NCOR2: variants seen among roughly 807,000 people sequenced by gnomAD.
The protein encoded by NCOR2 is CTG repeat protein 26.
A neutral mutation model predicts 262.9 loss-of-function variants in NCOR2; 81 were observed. The ratio of observed to expected loss-of-function variants is 0.31; its 90% CI spans 0.26 to 0.37. The LOEUF is 0.37. NCOR2 is among the 10% of genes least tolerant of loss of function. The pLI is 1.00. For missense variants in NCOR2, 3,385 were observed against 3,621.4 expected (o/e 0.93, Z 1.68); for synonymous variants, 1,659 against 1,559.3 (o/e 1.06, Z -1.51).
chr12:124,442,659 G>T (rs2044882726), intron 7 of NCOR2, among the ~76,000 whole-genome samples: 1 of 152,172 alleles, frequency 6.6e-6, no homozygotes, highest in African/African-American at 2.4e-5. Context: ...AATTGACTTT[G>T]GGGTTTGCAG....
In NCOR2 at chr12:124,397,731, G is replaced by A. The variant is rs574633309; in HGVS notation, c.1876+388C>T. Among the ~76,000 whole-genome samples the A allele has an allele frequency of 1.1e-4, 16 of 152,232 alleles. No individual in the cohort carries two copies. The South Asian group carries it at 2.5e-3, about 24-fold the overall frequency. On this transcript the variant is annotated intron_variant, in intron 16 of 46. Transcript: ENST00000405201. Reference sequence around the variant, plus strand: ...GTCTCCCTGACCCCAGGACTCTACCGAGATGGCCGCCGGCAAGCTCTGACT... The same window carrying A: ...GTCTCCCTGACCCCAGGACTCTACCAAGATGGCCGCCGGCAAGCTCTGACT...
At chr12:124,532,053 G>T (rs2050820922) in intron 1 of NCOR2, among the ~76,000 whole-genome samples, 1 of 152,140 alleles carries the variant, frequency 6.6e-6, no homozygotes, top group African/African-American at 2.4e-5. Flanking sequence ...GCACCCTGGG[G>T]ATGCCACATC....
chr12:124,332,529 T>C, intron 42 of NCOR2, 62 bp from the exon 45 acceptor site: 2 of 1,608,510 alleles, frequency 1.2e-6, no homozygotes, highest in East Asian at 2.2e-5. Context: ...CCTTTGATGA[T>C]GGGGAACTCA....
At chr12:124,480,397 C>T (rs2047386841) in intron 3 of NCOR2, among the ~76,000 whole-genome samples, 1 of 152,182 alleles carries the variant, frequency 6.6e-6, no homozygotes, top group Non-Finnish European at 1.5e-5. Flanking sequence ...GCTGAGTGAC[C>T]CTGGGGGACT....
In NCOR2 at chr12:124,432,295, G is replaced by A. The variant is rs984972513; in HGVS notation, c.883-1508C>T. On this transcript the variant is annotated intron_variant, in intron 8 of 46. Transcript: ENST00000405201. The surrounding 1 kb of genome is among the most constrained non-coding windows in gnomAD (Gnocchi z 5.1). The stretch of plus-strand genomic sequence containing the variant: ...AGTTGCATGGCTATCCAGCAGACGG[G>A]GGCCCCTGAAGAAAACCCACAGACT... Among the ~76,000 whole-genome samples the A allele has an allele frequency of 6.6e-6, 1 of 152,146 alleles. No homozygotes were observed. Among genetic ancestry groups the A allele is most frequent in the Admixed American group, 6.5e-5 (1 of 15,274 alleles).
upstream of NCOR2, among the ~76,000 whole-genome samples, chr12:124,499,012 A>G (rs1298765794): frequency 6.6e-6 from 1 of 152,258 alleles, no homozygotes; most frequent in Non-Finnish European, 1.5e-5. Flanking sequence ...GCTAATGGTT[A>G]CAGGGTTTTA....
At chr12:124,368,171 G>A (rs902780992) in intron 20 of NCOR2, among the ~76,000 whole-genome samples, 3 of 152,242 alleles carry the variant, frequency 2.0e-5, no homozygotes, top group Middle Eastern at 3.2e-3. Flanking sequence ...AGGGCTGTCC[G>A]TGGGTGGGCG....
intron 41 of NCOR2, among the ~76,000 whole-genome samples, chr12:124,333,509 G>C (rs986097573): frequency 6.6e-6 from 1 of 151,516 alleles, no homozygotes; most frequent in Admixed American, 6.6e-5. Context: ...TTCATGAATT[G>C]TACAAACAGA....
chr12:124,458,623 A>G (rs1474610384), intron 5 of NCOR2, among the ~76,000 whole-genome samples: 4 of 152,242 alleles, frequency 2.6e-5, no homozygotes, highest in Non-Finnish European at 5.9e-5. Context: ...TAACATGTCA[A>G]TTGCGCATAA....
rs1445645083 is a variant in NCOR2, at chr12:124,481,466, A to G, written c.411+2130T>C. The stretch of plus-strand genomic sequence containing the variant: ...CTCGAGAGTCCCCACAGGGCTAGCC[A>G]CAGGTCTCCCCTGCCATGCAGGCCC... On this transcript the variant is annotated intron_variant, in intron 3 of 46. Transcript: ENST00000405201. The surrounding 1 kb of genome is among the most constrained non-coding windows in gnomAD (Gnocchi z 4.6). Among the ~76,000 whole-genome samples, 2 of 152,158 alleles carry G rather than the reference A, an allele frequency of 1.3e-5. No homozygotes were observed. The highest frequency in any genetic ancestry group is 2.4e-5 in the African/African-American group (1 of 41,438).
intron 1 of NCOR2, chr12:124,556,277 T>A (rs2051880772): frequency 6.6e-6 from 1 of 152,268 alleles, no homozygotes; most frequent in South Asian, 2.1e-4. Flanking sequence ...CAGGTGTCAG[T>A]CACAGGGATG....
intron 22 of NCOR2, 66 bp from the exon 25 acceptor site, chr12:124,356,848 G>C: frequency 7.1e-7 from 1 of 1,415,112 alleles, no homozygotes. Context: ...GGGAGCCCTG[G>C]CTGACCCTAC....
chr12:124,558,749 G>C (rs533167059), intron 1 of NCOR2, among the ~76,000 whole-genome samples: 8 of 152,286 alleles, frequency 5.3e-5, no homozygotes, highest in Admixed American at 1.3e-4. Context: ...ACGAGTCACA[G>C]TCAGGAGGGA....
chr12:124,344,183 G>A (rs2036717887), intron 32 of NCOR2, among the ~76,000 whole-genome samples: 1 of 152,256 alleles, frequency 6.6e-6, no homozygotes. Context: ...CTGGGGCTGG[G>A]GAGGACGAAG....
Position 124,500,873 on chromosome 12 carries a change from G to A in NCOR2, c.-117-5505C>T, listed in dbSNP as rs183552150. On this transcript the variant is annotated intron_variant, in intron 1 of 46. Transcript: ENST00000404621. ...GGTGTGGGAGCTACAGGATGTGCCC[G>A]GAGCGCTCAGCCGCGGGCTGTGGGG... Among the ~76,000 whole-genome samples the A allele has an allele frequency of 1.6e-4, 24 of 152,260 alleles. No individual in the cohort carries two copies. The East Asian group carries it at 2.7e-3, about 17-fold the overall frequency.
In NCOR2 at chr12:124,388,865, TGAGGGAGGGAGG is replaced by T. The variant is rs6144913; in HGVS notation, c.1877-2990_1877-2979del. 3.9e-3 allele frequency: 1,464 copies of T among 379,590 alleles called. 42 individuals carry two copies. The highest frequency in any genetic ancestry group is 0.013 in the South Asian group (372 of 27,866). 23.5% of individuals were successfully genotyped at this position (379,590 alleles called of 1,614,324 possible). A position where few individuals can be genotyped will look rare whatever the true frequency, so the allele number is the denominator to read the frequency against. ...CCTCACATCCTTCTCCGTCCCACGG[TGAGGGAGGGAGG>T]GAGGGAGGGAGGGAGGGAGCGAGGG... On this transcript the variant is annotated intron_variant, in intron 16 of 46. Transcript: ENST00000405201.
chr12:124,543,810 A>C (rs1261840485), intron 1 of NCOR2, among the ~76,000 whole-genome samples: 3 of 152,218 alleles, frequency 2.0e-5, no homozygotes, highest in Non-Finnish European at 4.4e-5. Flanking sequence ...CCCACGCGGC[A>C]GCACGGAAAG....
At chr12:124,486,483 C>T (rs897767141) in exon 2 of NCOR2, 1 of 1,611,624 alleles carries the variant, frequency 6.2e-7, no homozygotes, top group Non-Finnish European at 8.5e-7. Flanking sequence ...GGAGGGCCTC[C>T]GCCGCTGGGG....
At chr12:124,369,442 G>A (rs892279356) in intron 20 of NCOR2, among the ~76,000 whole-genome samples, 3 of 152,112 alleles carry the variant, frequency 2.0e-5, no homozygotes, top group Admixed American at 1.3e-4. Context: ...GATACTGGGC[G>A]GGCAGCCAGG....
Sources: gnomAD v4.1 joint callset for allele counts (sites outside exome capture counted in the v4.1 genomes callset) on GRCh38, gnomAD v4.1.1 for gene constraint, Gnocchi (gnomAD v3.1) non-coding constraint, MANE v1.5 for transcripts, NCBI Gene and HGNC (gene_info 2026-07-23, HGNC 2026-07-21) for gene names.